Variants in LRP12 observed in about 807,000 individuals in gnomAD.
The protein encoded by LRP12 is low-density lipoprotein receptor-related protein 12.
In LRP12, 14 loss-of-function variants were observed where a neutral mutation model predicts 66.0. The observed-to-expected ratio is 0.21, with a 90% confidence interval of 0.14 to 0.33. The LOEUF (loss-of-function observed/expected upper bound fraction) is 0.33, where lower values mean the gene tolerates loss of function less well. LRP12 is among the 10% of genes least tolerant of loss of function. The pLI is 1.00. For synonymous variants in LRP12, 357 were observed against 359.1 expected (o/e 0.99, Z 0.07); for missense variants, 889 against 1,053.4 (o/e 0.84, Z 2.16).
intron 1 of LRP12, among the ~76,000 whole-genome samples, chr8:104,587,690 A>G (rs1208415499): frequency 6.6e-6 from 1 of 152,226 alleles, no homozygotes; most frequent in Non-Finnish European, 1.5e-5. Context: ...ATGCCTTCAA[A>G]AGAGATAACA....
intron 3 of LRP12, among the ~76,000 whole-genome samples, chr8:104,502,512 C>T (rs1487554808): frequency 2.6e-5 from 4 of 152,204 alleles, no homozygotes; most frequent in Non-Finnish European, 5.9e-5. Flanking sequence ...CCATCCTCAA[C>T]TGCATCCTGA....
At chr8:104,548,194 A>ACATATTAATATATAATATATTTATATT (rs561640568) in intron 1 of LRP12, among the ~76,000 whole-genome samples, 21 of 79,650 alleles carry the variant, frequency 2.6e-4, no homozygotes, top group African/African-American at 1.2e-3. Flanking sequence ...ATATATATAT[A>ACATATTAATATATAATATATTTATATT]AATATATGAT....
intron 1 of LRP12, among the ~76,000 whole-genome samples, chr8:104,540,124 C>G (rs1442775696): frequency 2.6e-5 from 4 of 151,380 alleles, no homozygotes; most frequent in African/African-American, 9.7e-5. Context: ...TCCAAGAAGG[C>G]TGGTGTCCTC....
intron 1 of LRP12, among the ~76,000 whole-genome samples, chr8:104,580,537 A>G (rs1812234517): frequency 6.6e-6 from 1 of 152,016 alleles, no homozygotes; most frequent in African/African-American, 2.4e-5. Context: ...TTCAAAAAAA[A>G]AACAAAACAA....
chr8:104,510,007 T>C (rs1314915922), intron 2 of LRP12, among the ~76,000 whole-genome samples: 1 of 152,232 alleles, frequency 6.6e-6, no homozygotes, highest in Non-Finnish European at 1.5e-5. Context: ...ACTGGATCAC[T>C]GAATAAGAGT....
At chr8:104,545,676 T>A (rs954261545) in intron 1 of LRP12, among the ~76,000 whole-genome samples, 6 of 152,170 alleles carry the variant, frequency 3.9e-5, no homozygotes, top group African/African-American at 4.8e-5. Context: ...GTATATATAT[T>A]TTTTAGATAT....
intron 1 of LRP12, among the ~76,000 whole-genome samples, chr8:104,575,835 G>T (rs1812156637): frequency 6.6e-6 from 1 of 152,092 alleles, no homozygotes; most frequent in Non-Finnish European, 1.5e-5. Context: ...CTGGGCTACA[G>T]GAGTACGTTG....
chr8:104,511,274 C>T (rs966133842), intron 2 of LRP12, among the ~76,000 whole-genome samples: 9 of 151,738 alleles, frequency 5.9e-5, no homozygotes, highest in African/African-American at 1.9e-4. Flanking sequence ...GATCTCTTGA[C>T]CTTGTGATGT....
At chr8:104,573,026 T>G (rs1039187655) in intron 1 of LRP12, among the ~76,000 whole-genome samples, 1 of 152,204 alleles carries the variant, frequency 6.6e-6, no homozygotes, top group Non-Finnish European at 1.5e-5. Flanking sequence ...AATGTTAAGT[T>G]GAATCGTATA....
intron 1 of LRP12, among the ~76,000 whole-genome samples, chr8:104,547,718 T>C (rs1289030489): frequency 1.6e-5 from 2 of 125,712 alleles, no homozygotes; most frequent in Non-Finnish European, 3.1e-5. Flanking sequence ...AATTCTATAT[T>C]ATGTTATATT....
In LRP12 at chr8:104,489,247, C is replaced by T. The variant is rs898995132; in HGVS notation, c.*1426G>A. On this transcript the variant is annotated 3_prime_UTR_variant, in exon 7 of 7. Coordinates refer to ENST00000276654, the MANE Select transcript of LRP12 (RefSeq NM_013437.5). Reference sequence around the variant, plus strand: ...AAGAACAGCTTTGATTTAAAAAGTACCTCAAGGCAATAAAAAAAATCATTT... The same window carrying T: ...AAGAACAGCTTTGATTTAAAAAGTATCTCAAGGCAATAAAAAAAATCATTT... 2 of 152,370 alleles carry T rather than the reference C, an allele frequency of 1.3e-5. No individual in the cohort carries two copies. Among genetic ancestry groups the T allele is most frequent in the African/African-American group, 2.4e-5 (1 of 41,400 alleles). 9.4% of individuals were successfully genotyped at this position (152,370 alleles called of 1,614,324 possible).
intron 1 of LRP12, among the ~76,000 whole-genome samples, chr8:104,569,260 T>C (rs570128574): frequency 6.6e-6 from 1 of 152,244 alleles, no homozygotes; most frequent in Admixed American, 6.5e-5. Flanking sequence ...TTCCAGGGGC[T>C]AGAGAGTAGG....
intron 3 of LRP12, chr8:104,507,738 G>A (rs1433342644): frequency 6.6e-6 from 1 of 152,172 alleles, no homozygotes; most frequent in Non-Finnish European, 1.5e-5. Context: ...GCATGGAGGA[G>A]GAGAACAACA....
intron 3 of LRP12, chr8:104,504,220 C>G (rs1333206569): frequency 6.6e-6 from 1 of 151,996 alleles, no homozygotes; most frequent in African/African-American, 2.4e-5. Context: ...TAACTACAGA[C>G]ACTTTTGCTC....
intron 1 of LRP12, among the ~76,000 whole-genome samples, chr8:104,543,222 G>A (rs1811505596): frequency 4.6e-5 from 7 of 152,078 alleles, no homozygotes; most frequent in Admixed American, 2.0e-4. Flanking sequence ...CAAATTGGAG[G>A]TTTGTGGCAT....
In LRP12 at chr8:104,588,994, CCGCCGAGCCACCGG is replaced by C; in HGVS notation, c.-111_-98del. 3.3e-6 allele frequency: 3 copies of C among 902,666 alleles called. No individual in the cohort carries two copies. Among genetic ancestry groups the C allele is most frequent in the Non-Finnish European group, 4.9e-6 (3 of 607,348 alleles). The allele number at this position is 902,666 out of a possible 1,614,324, so 55.9% of individuals were successfully genotyped here. A position where few individuals can be genotyped will look rare whatever the true frequency, so the allele number is the denominator to read the frequency against. The stretch of plus-strand genomic sequence containing the variant: ...GACGCCGCCGCCGCCGCCGCCGCCG[CCGCCGAGCCACCGG>C]CTGCTCCCTGCGCTCTCCGCGGCTG... On this transcript the variant is annotated 5_prime_UTR_variant, in exon 1 of 7. Transcript: ENST00000276654.
intron 1 of LRP12, among the ~76,000 whole-genome samples, chr8:104,534,158 T>A (rs998123196): frequency 2.7e-5 from 4 of 149,880 alleles, no homozygotes; most frequent in Non-Finnish European, 4.5e-5. Flanking sequence ...AAACAAATAA[T>A]TATATATGTA....
intron 3 of LRP12, chr8:104,506,037 A>G (rs973843694): frequency 3.9e-5 from 6 of 152,282 alleles, no homozygotes; most frequent in Non-Finnish European, 7.4e-5. Context: ...GTTACATTTC[A>G]GTTTTTACAG....
At chr8:104,582,791 C>A (rs1812273162) in intron 1 of LRP12, among the ~76,000 whole-genome samples, 1 of 152,102 alleles carries the variant, frequency 6.6e-6, no homozygotes, top group Admixed American at 6.6e-5. Context: ...TAACAGAAAT[C>A]TAACTTGCTA....
Sources: gnomAD v4.1 joint callset for allele counts (sites outside exome capture counted in the v4.1 genomes callset) on GRCh38, gnomAD v4.1.1 for gene constraint, MANE v1.5 for transcripts, NCBI Gene and HGNC (gene_info 2026-07-23, HGNC 2026-07-21) for gene names.